EPS8: variants seen among roughly 807,000 people sequenced by gnomAD.
EPS8 encodes the protein epidermal growth factor receptor kinase substrate 8.
Under a neutral mutation model 103.8 loss-of-function variants are expected in EPS8, and 42 were observed. The ratio of observed to expected loss-of-function variants is 0.40; its 90% CI spans 0.32 to 0.52. EPS8 has a LOEUF of 0.52. Ranked by LOEUF, EPS8 falls within the 20% of genes least tolerant of loss-of-function variation. The pLI is 0.40. For missense variants in EPS8, 969 were observed against 1,005.1 expected (o/e 0.96, Z 0.49); for synonymous variants, 344 against 344.6 (o/e 1.00, Z 0.02).
intron 1 of EPS8, among the ~76,000 whole-genome samples, chr12:15,726,541 AG>A (rs1451991889): frequency 6.6e-6 from 1 of 152,180 alleles, no homozygotes; most frequent in Non-Finnish European, 1.5e-5. Context: ...TTTGTGAAAA[AG>A]CCTGATGTCT....
At chr12:15,652,280 T>C (rs933964775) in intron 13 of EPS8, among the ~76,000 whole-genome samples, 1 of 152,160 alleles carries the variant, frequency 6.6e-6, no homozygotes. Flanking sequence ...TACTAGTGGC[T>C]GACAAGGATG....
chr12:15,757,239 G>A lies in EPS8; in HGVS notation c.-22+31922C>T, dbSNP rs1384832455. Among the ~76,000 whole-genome samples the A allele has an allele frequency of 6.6e-6, 1 of 152,136 alleles. No individual in the cohort carries two copies. The stretch of plus-strand genomic sequence containing the variant: ...TCAAAACAGTGGTGTAGAGTGAAAT[G>A]TTCTTGACAAGAAACTTGGTGGAAG... On this transcript the variant is annotated intron_variant, in intron 1 of 20. Coordinates refer to ENST00000281172, the MANE Select transcript of EPS8 (RefSeq NM_004447.6). The surrounding 1 kb of genome is among the most constrained non-coding windows in gnomAD (Gnocchi z 4.1).
At chr12:15,707,950 C>T (rs1391280789) in intron 1 of EPS8, among the ~76,000 whole-genome samples, 1 of 152,084 alleles carries the variant, frequency 6.6e-6, no homozygotes, top group Non-Finnish European at 1.5e-5. Flanking sequence ...ATGTATAAGC[C>T]CCAGGAAAAA....
chr12:15,719,923 G>A (rs1946576351), intron 1 of EPS8, among the ~76,000 whole-genome samples: 1 of 152,024 alleles, frequency 6.6e-6, no homozygotes. Flanking sequence ...GTATGTTATG[G>A]GCAAAAAGCC....
chr12:15,621,472 G>A (rs750182558), intron 20 of EPS8, 42 bp from the exon 21 acceptor site: 1 of 1,075,412 alleles, frequency 9.3e-7, no homozygotes, highest in Non-Finnish European at 1.4e-6. Flanking sequence ...ACTGACTTGT[G>A]CAGGCTGCAG....
chr12:15,758,419 G>C (rs939898395), intron 1 of EPS8, among the ~76,000 whole-genome samples: 33 of 152,198 alleles, frequency 2.2e-4, no homozygotes, highest in African/African-American at 7.2e-4. Flanking sequence ...GTACATTCCA[G>C]ATCTCTCCAA....
Position 15,757,710 on chromosome 12 carries a change from A to G in EPS8, c.-22+31451T>C, listed in dbSNP as rs1947001935. 6.6e-6 allele frequency among the ~76,000 whole-genome samples: 1 copy of G among 152,264 alleles called. No homozygotes were observed. Among genetic ancestry groups the G allele is most frequent in the South Asian group, 2.1e-4 (1 of 4,828 alleles). Reference sequence around the variant, plus strand: ...TCAAGCCTCATCAGTAACAAGTCACACTGACATTACATGCCCCCTAATGTG... The same window carrying G: ...TCAAGCCTCATCAGTAACAAGTCACGCTGACATTACATGCCCCCTAATGTG... On this transcript the variant is annotated intron_variant, in intron 1 of 20. Coordinates refer to ENST00000281172, the MANE Select transcript of EPS8 (RefSeq NM_004447.6). This position sits in a 1 kb window ranked among gnomAD's most constrained non-coding sequence, Gnocchi z 4.1.
In EPS8 at chr12:15,778,568, A is replaced by T. The variant is rs1591937947; in HGVS notation, c.-22+10593T>A. ...AACAGAGGTTCTGAGAATACAGATA[A>T]ACACTAAAACAGTAAGGACAACTCA... On this transcript the variant is annotated intron_variant, in intron 1 of 20. Transcript: ENST00000281172. This position sits in a 1 kb window ranked among gnomAD's most constrained non-coding sequence, Gnocchi z 4.5. Among the ~76,000 whole-genome samples, 1 of 152,354 alleles carries T rather than the reference A, an allele frequency of 6.6e-6. No homozygotes were observed. The highest frequency in any genetic ancestry group is 3.4e-3 in the Middle Eastern group (1 of 294).
intron 13 of EPS8, among the ~76,000 whole-genome samples, chr12:15,651,903 C>T (rs1247495761): frequency 2.6e-5 from 4 of 151,966 alleles, no homozygotes; most frequent in Non-Finnish European, 4.4e-5. Flanking sequence ...GTGTTAACAG[C>T]TAACAATATA....
intron 15 of EPS8, among the ~76,000 whole-genome samples, chr12:15,642,672 A>AT (rs1945253011): frequency 2.6e-5 from 4 of 152,170 alleles, no homozygotes; most frequent in Admixed American, 2.6e-4. Context: ...CTCCATTTAC[A>AT]TTCCCACATT....
rs1480690623 is a variant in EPS8, at chr12:15,735,458, T to C, written c.-21-52486A>G. Among the ~76,000 whole-genome samples, 1 of 152,228 alleles carries C rather than the reference T, an allele frequency of 6.6e-6. No homozygotes were observed. Among genetic ancestry groups the C allele is most frequent in the Non-Finnish European group, 1.5e-5 (1 of 68,048 alleles). Reference sequence around the variant, plus strand: ...ATGGCGCATCCCACGTTAATGCTACTTGACTTAATCCTTACAGTAACCCTA... The same window carrying C: ...ATGGCGCATCCCACGTTAATGCTACCTGACTTAATCCTTACAGTAACCCTA... On this transcript the variant is annotated intron_variant, in intron 1 of 20. Transcript: ENST00000281172. This position sits in a 1 kb window ranked among gnomAD's most constrained non-coding sequence, Gnocchi z 4.4.
At position 15,779,426 on chromosome 12, in the gene EPS8, A is replaced by C. The variant is rs1257919388; in HGVS notation, c.-22+9735T>G. ...AAAATTACCATCAACTTTAAATGTC[A>C]AAATTATTGCAGAAAATTAGATAAA... On this transcript the variant is annotated intron_variant, in intron 1 of 20. Transcript: ENST00000281172. The surrounding 1 kb of genome is among the most constrained non-coding windows in gnomAD (Gnocchi z 4.3). Among the ~76,000 whole-genome samples, 1 of 152,262 alleles carries C rather than the reference A, an allele frequency of 6.6e-6. No individual in the cohort carries two copies. Among genetic ancestry groups the C allele is most frequent in the Non-Finnish European group, 1.5e-5 (1 of 68,048 alleles).
chr12:15,691,116 G>T (rs1022938781), intron 1 of EPS8, among the ~76,000 whole-genome samples: 1 of 151,624 alleles, frequency 6.6e-6, no homozygotes, highest in Non-Finnish European at 1.5e-5. Flanking sequence ...TTAGGGGAAA[G>T]AAAAAGCATC....
At chr12:15,715,104 T>C (rs977182095) in intron 1 of EPS8, among the ~76,000 whole-genome samples, 15 of 152,220 alleles carry the variant, frequency 9.9e-5, no homozygotes, top group African/African-American at 3.6e-4. Flanking sequence ...AACCTTCAAC[T>C]ATCAGCTCTT....
chr12:15,772,980 C>T lies in EPS8; in HGVS notation c.-22+16181G>A, dbSNP rs558018919. On this transcript the variant is annotated intron_variant, in intron 1 of 20. Transcript: ENST00000281172. The surrounding 1 kb of genome is among the most constrained non-coding windows in gnomAD (Gnocchi z 5.0). ...TTTTGGTTTAGCTTTTAGAAGATGG[C>T]AGATGACCTACAGACATAAGCTCAG... 9.9e-5 allele frequency among the ~76,000 whole-genome samples: 15 copies of T among 152,152 alleles called. No individual in the cohort carries two copies. In the East Asian group the frequency reaches 2.3e-3, roughly 24 times the overall value.
intron 15 of EPS8, among the ~76,000 whole-genome samples, chr12:15,644,611 T>C (rs1349287318): frequency 6.7e-6 from 1 of 150,048 alleles, no homozygotes; most frequent in Non-Finnish European, 1.5e-5. Flanking sequence ...GGCAGGAGAA[T>C]GGCGTGAACC....
chr12:15,630,853 G>C (rs867150148), intron 18 of EPS8, among the ~76,000 whole-genome samples: 3 of 152,262 alleles, frequency 2.0e-5, no homozygotes, highest in Non-Finnish European at 4.4e-5. Context: ...GCTGGGGACT[G>C]TCCTGTGCAT....
chr12:15,732,317 T>G (rs1188547859), intron 1 of EPS8, among the ~76,000 whole-genome samples: 1 of 152,156 alleles, frequency 6.6e-6, no homozygotes, highest in Non-Finnish European at 1.5e-5. Context: ...AAACTCCCTT[T>G]AGGTTTTCCC....
At chr12:15,657,030 C>T (rs1945519187) in intron 12 of EPS8, among the ~76,000 whole-genome samples, 1 of 152,104 alleles carries the variant, frequency 6.6e-6, no homozygotes, top group East Asian at 1.9e-4. Context: ...AACATTATAG[C>T]CAGGGCAATC....
Sources: gnomAD v4.1 joint callset for allele counts (sites outside exome capture counted in the v4.1 genomes callset) on GRCh38, gnomAD v4.1.1 for gene constraint, Gnocchi (gnomAD v3.1) non-coding constraint, MANE v1.5 for transcripts, NCBI Gene and HGNC (gene_info 2026-07-23, HGNC 2026-07-21) for gene names.